PACRG: variants seen among roughly 807,000 people sequenced by gnomAD.
PACRG encodes parkin coregulated.
Under a neutral mutation model 29.7 loss-of-function variants are expected in PACRG, and 29 were observed. The observed-to-expected ratio is 0.98, with a 90% CI of 0.73 to 1.33. PACRG has a LOEUF of 1.33. Among genes scored for constraint, PACRG ranks in the 40% most tolerant of loss-of-function variants. The probability of loss-of-function intolerance (pLI) is 0.00; values close to 1 mark genes in which losing one functional copy is unlikely to be tolerated. For missense variants in PACRG, 279 were observed against 316.2 expected (o/e 0.88, Z 0.89); for synonymous variants, 116 against 118.7 (o/e 0.98, Z 0.15).
At chr6:162,817,454 C>T (rs977062464) in intron 2 of PACRG, among the ~76,000 whole-genome samples, 1 of 152,152 alleles carries the variant, frequency 6.6e-6, no homozygotes, top group Non-Finnish European at 1.5e-5. Flanking sequence ...GCCAAAACAA[C>T]GTGGCAGGCT....
At chr6:162,891,831 A>C (rs1794783971) in intron 2 of PACRG, among the ~76,000 whole-genome samples, 1 of 152,208 alleles carries the variant, frequency 6.6e-6, no homozygotes, top group Non-Finnish European at 1.5e-5. Context: ...CTGCTGATCC[A>C]GATGGCACTG....
chr6:162,895,313 A>C (rs576986671), intron 2 of PACRG, among the ~76,000 whole-genome samples: 1 of 151,928 alleles, frequency 6.6e-6, no homozygotes, highest in Admixed American at 6.6e-5. Flanking sequence ...ATGAATGAAT[A>C]CTATATTTCA....
At chr6:163,244,950 A>G (rs762448805) in intron 4 of PACRG, 1 of 410,786 alleles carries the variant, frequency 2.4e-6, no homozygotes, top group Non-Finnish European at 4.9e-6. Context: ...TAACCCATCG[A>G]CAAAGAAGTG....
At chr6:163,154,752 A>T (rs1479117350) in intron 4 of PACRG, among the ~76,000 whole-genome samples, 1 of 152,212 alleles carries the variant, frequency 6.6e-6, no homozygotes, top group Non-Finnish European at 1.5e-5. Context: ...TTTGTTATTT[A>T]TGTGAAATGT....
At chr6:163,171,577 C>T (rs956053390) in intron 4 of PACRG, among the ~76,000 whole-genome samples, 5 of 152,174 alleles carry the variant, frequency 3.3e-5, no homozygotes, top group South Asian at 2.1e-4. Context: ...AATCCTAGCA[C>T]GATTATAGCT....
chr6:162,888,302 C>T (rs1794511346), intron 2 of PACRG, among the ~76,000 whole-genome samples: 1 of 152,006 alleles, frequency 6.6e-6, no homozygotes, highest in African/African-American at 2.4e-5. Context: ...AGACAAAAGT[C>T]GATTTGGGTC....
intron 4 of PACRG, among the ~76,000 whole-genome samples, chr6:163,090,053 G>T (rs368098101): frequency 6.7e-6 from 1 of 149,686 alleles, no homozygotes; most frequent in Non-Finnish European, 1.5e-5. Context: ...TTGAAGTTCC[G>T]TACTTCTCAC....
At chr6:162,895,694 T>C (rs1490390432) in intron 2 of PACRG, among the ~76,000 whole-genome samples, 1 of 152,224 alleles carries the variant, frequency 6.6e-6, no homozygotes, top group Non-Finnish European at 1.5e-5. Flanking sequence ...TTTTTACATA[T>C]GAATAGCAAT....
rs553909638 is a variant in PACRG, at chr6:163,251,421, C to T, written c.614-63406C>T. 2.5e-4 allele frequency among the ~76,000 whole-genome samples: 38 copies of T among 152,214 alleles called. No homozygotes were observed. In the Middle Eastern group the frequency reaches 0.01, roughly 41 times the overall value. On this transcript the variant is annotated intron_variant, in intron 4 of 4. Coordinates refer to ENST00000366888, the MANE Select transcript of PACRG (RefSeq NM_001080379.2). ...GATGGAGAACACGTCGGGGACTTCC[C>T]GGAATGCAATGATTATGTATTTTAG...
chr6:163,105,861 A>G (rs1815352937), intron 4 of PACRG, among the ~76,000 whole-genome samples: 1 of 152,160 alleles, frequency 6.6e-6, no homozygotes. Context: ...AAAAATGTAA[A>G]TCTCAGAGAG....
intron 4 of PACRG, among the ~76,000 whole-genome samples, chr6:163,229,272 C>G (rs1781928980): frequency 6.6e-6 from 1 of 152,104 alleles, no homozygotes; most frequent in African/African-American, 2.4e-5. Context: ...CACTTTGAGC[C>G]CAGGAGTTAG....
intron 2 of PACRG, among the ~76,000 whole-genome samples, chr6:162,822,468 G>A (rs1463921155): frequency 6.6e-6 from 1 of 152,132 alleles, no homozygotes; most frequent in Non-Finnish European, 1.5e-5. Flanking sequence ...GTATAGAAAT[G>A]GACAGAGTTG....
At chr6:163,073,125 CA>C (rs1812229311) in intron 3 of PACRG, among the ~76,000 whole-genome samples, 1 of 152,148 alleles carries the variant, frequency 6.6e-6, no homozygotes, top group Admixed American at 6.5e-5. Flanking sequence ...TATGAAACCG[CA>C]AAAGACCCAG....
At chr6:162,965,092 G>A (rs144611052) in intron 2 of PACRG, among the ~76,000 whole-genome samples, 1 of 152,230 alleles carries the variant, frequency 6.6e-6, no homozygotes, top group Non-Finnish European at 1.5e-5. Context: ...TGGGTAGGGT[G>A]CGAGTAGACA....
At chr6:162,957,514 G>A (rs982851571) in intron 2 of PACRG, 4 of 375,408 alleles carry the variant, frequency 1.1e-5, no homozygotes, top group Admixed American at 5.9e-5. Context: ...AAGGGGCTCG[G>A]GACAGCCTAG....
At chr6:163,060,563 T>A (rs1212525722) in intron 2 of PACRG, among the ~76,000 whole-genome samples, 1 of 152,234 alleles carries the variant, frequency 6.6e-6, no homozygotes, top group Non-Finnish European at 1.5e-5. Context: ...ATTTGTTTTC[T>A]ATGCTCCAGT....
chr6:162,962,088 G>A (rs1044700469), intron 2 of PACRG, among the ~76,000 whole-genome samples: 1 of 152,074 alleles, frequency 6.6e-6, no homozygotes, highest in African/African-American at 2.4e-5. Context: ...CTAGGCTCAG[G>A]TCAAGTGCCC....
chr6:163,220,144 G>T (rs1269757048), intron 4 of PACRG, among the ~76,000 whole-genome samples: 2 of 152,098 alleles, frequency 1.3e-5, no homozygotes, highest in East Asian at 3.9e-4. Context: ...GCACATAAAA[G>T]GAGCTCCCAA....
intron 2 of PACRG, among the ~76,000 whole-genome samples, chr6:163,059,299 T>G (rs1445764034): frequency 6.6e-6 from 1 of 152,136 alleles, no homozygotes; most frequent in Non-Finnish European, 1.5e-5. Flanking sequence ...TTTCAAAATT[T>G]TGAGAATAGG....
Sources: gnomAD v4.1 joint callset for allele counts (sites outside exome capture counted in the v4.1 genomes callset) on GRCh38, gnomAD v4.1.1 for gene constraint, MANE v1.5 for transcripts, NCBI Gene and HGNC (gene_info 2026-07-23, HGNC 2026-07-21) for gene names.